Variants in INO80E observed in about 807,000 individuals in gnomAD.
The protein encoded by INO80E is INO80 complex subunit E, also known as coiled-coil domain containing 95.
Under a neutral mutation model 27.3 loss-of-function variants are expected in INO80E, and 20 were observed. The observed-to-expected ratio is 0.73, with a 90% CI of 0.51 to 1.06. The LOEUF (loss-of-function observed/expected upper bound fraction) is 1.06, where lower values mean the gene tolerates loss of function less well. Among genes scored for constraint, INO80E ranks in the 50% least tolerant of loss-of-function variants. The probability of loss-of-function intolerance (pLI) is 0.00; values close to 1 mark genes in which losing one functional copy is unlikely to be tolerated. For synonymous variants in INO80E, 167 were observed against 145.9 expected (o/e 1.14, Z -1.04); for missense variants, 357 against 322.8 (o/e 1.11, Z -0.81).
At chr16:30,001,796 C>T (rs902984748) in intron 6 of INO80E, 2 of 449,056 alleles carry the variant, frequency 4.5e-6, no homozygotes, top group East Asian at 3.8e-5. Context: ...GGGCCAGGCT[C>T]ATTTTCCCAG....
intron 1 of INO80E, 35 bp downstream of exon 1, chr16:29,996,426 G>A: frequency 1.3e-6 from 2 of 1,563,112 alleles, no homozygotes; most frequent in Non-Finnish European, 1.7e-6. Flanking sequence ...TGGGGGATGA[G>A]GCCTGGCGCG....
intron 3 of INO80E, among the ~76,000 whole-genome samples, chr16:29,997,610 C>T (rs961884139): frequency 1.3e-5 from 2 of 151,924 alleles, no homozygotes; most frequent in Admixed American, 6.6e-5. Flanking sequence ...AAAAATTAGT[C>T]GGGTGTGGTG....
chr16:30,005,282 C>G lies in INO80E; in HGVS notation c.575C>G (p.Ser192Cys). ...CCGCTGACCTTCCCTGGCCGGGGTT[C>G]TGGGGCTGGGGTCGGGACAACCCTG... is the stretch of plus-strand genomic sequence containing the variant. The part of the protein sequence containing the change: ...GGPLTFPGRG[S>C]GAGVGTTLTP... The change falls in exon 7 of 7, where the codon TCT (serine) becomes TGT (cysteine). Residue 192 changes from serine (S) to cysteine (C), a missense_variant. Ser to Cys is a moderately radical substitution (Grantham distance 112). Coordinates refer to ENST00000563197, the MANE Select transcript of INO80E (RefSeq NM_173618.3). The G allele has an allele frequency of 6.7e-7, 1 of 1,485,208 alleles. No homozygotes were observed. 92.0% of individuals were successfully genotyped at this position (1,485,208 alleles called of 1,614,324 possible). A position where few individuals can be genotyped will look rare whatever the true frequency, so the allele number is the denominator to read the frequency against.
At chr16:30,001,781 T>TGTATA in intron 6 of INO80E, 1 of 452,080 alleles carries the variant, frequency 2.2e-6, no homozygotes, top group Non-Finnish European at 4.0e-6. Flanking sequence ...GGCTGCAGTG[T>TGTATA]AGCGGGGCCA....
intron 1 of INO80E, 49 bp downstream of exon 1, chr16:29,996,440 A>G: frequency 1.3e-6 from 2 of 1,556,422 alleles, no homozygotes; most frequent in Non-Finnish European, 1.7e-6. Flanking sequence ...TGGCGCGGAC[A>G]AGATCTCAGT....
intron 3 of INO80E, among the ~76,000 whole-genome samples, chr16:30,000,487 C>T (rs931970117): frequency 6.6e-6 from 1 of 152,134 alleles, no homozygotes; most frequent in Admixed American, 6.5e-5. Flanking sequence ...CCTCAGCCTC[C>T]TGAGTAGCTG....
At chr16:29,997,470 TC>T (rs1297781911) in intron 3 of INO80E, among the ~76,000 whole-genome samples, 1 of 152,014 alleles carries the variant, frequency 6.6e-6, no homozygotes, top group African/African-American at 2.4e-5. Flanking sequence ...TAAAAGCCAT[TC>T]TTGGCCAGGT....
chr16:30,005,275 C>G lies in INO80E; in HGVS notation c.568C>G (p.Arg190Gly). 6.7e-7 allele frequency: 1 copy of G among 1,486,446 alleles called. No individual in the cohort carries two copies. The highest frequency in any genetic ancestry group is 8.9e-7 in the Non-Finnish European group (1 of 1,121,460). The allele number at this position is 1,486,446 out of a possible 1,614,324, so 92.1% of individuals were successfully genotyped here. ...GGGAGGGCCGCTGACCTTCCCTGGCCGGGGTTCTGGGGCTGGGGTCGGGAC... is the reference window on the plus strand; with the variant it reads ...GGGAGGGCCGCTGACCTTCCCTGGCGGGGGTTCTGGGGCTGGGGTCGGGAC... The part of the protein sequence containing the change: ...PVGGPLTFPG[R>G]GSGAGVGTTL... The change falls in exon 7 of 7, where the codon CGG becomes GGG. Residue 190 changes from arginine to glycine, a missense_variant. Physicochemically the swap from Arg to Gly is moderately radical, Grantham distance 125. Coordinates refer to ENST00000563197, the MANE Select transcript of INO80E (RefSeq NM_173618.3).
rs149641699 is a variant in INO80E at position 29,999,554 on chromosome 16, T to A, written c.206-1204T>A. 24 of 152,386 alleles carry A rather than the reference T, an allele frequency of 1.6e-4. 1 individual carries two copies. Among genetic ancestry groups the A allele is most frequent in the African/African-American group, 5.5e-4 (23 of 41,572 alleles). 9.4% of individuals were successfully genotyped at this position (152,386 alleles called of 1,614,324 possible). Reference sequence around the variant, plus strand: ...ACTTCACAGAGGAGGTGGCATTTAATCTGCTTCTTAAAGGGTCTGTCTGAG... The same window carrying A: ...ACTTCACAGAGGAGGTGGCATTTAAACTGCTTCTTAAAGGGTCTGTCTGAG... On this transcript the variant is annotated intron_variant, in intron 3 of 6. Transcript: ENST00000563197.
At chr16:30,004,759 T>C (rs2070487770) in intron 6 of INO80E, 1 of 156,676 alleles carries the variant, frequency 6.4e-6, no homozygotes, top group Middle Eastern at 6.4e-4. Context: ...GATAAGCCGC[T>C]GGGGCTCCTG....
chr16:29,996,804 TCA>T lies in INO80E; in HGVS notation c.153-3_153-2del, dbSNP rs764193575. ...ACTGTCCGTGTCTCCTTCCCTCCCCTCAGTTTCCTCCTAGACCGACTTCTGCA... is the reference window on the plus strand; with the variant it reads ...ACTGTCCGTGTCTCCTTCCCTCCCCTGTTTCCTCCTAGACCGACTTCTGCA... On this transcript the variant is annotated splice_acceptor_variant and splice_polypyrimidine_tract_variant and intron_variant, in intron 2 of 6. Transcript: ENST00000563197. LOFTEE classifies it high-confidence loss of function. 1.2e-6 allele frequency: 2 copies of T among 1,613,962 alleles called. No individual in the cohort carries two copies. Among genetic ancestry groups the T allele is most frequent in the Non-Finnish European group, 1.7e-6 (2 of 1,179,946 alleles).
Position 30,003,071 on chromosome 16 carries a change from G to A in INO80E, c.513+1541G>A, listed in dbSNP as rs990647241. 3.9e-5 allele frequency: 6 copies of A among 152,486 alleles called. No individual in the cohort carries two copies. The highest frequency in any genetic ancestry group is 7.3e-5 in the Non-Finnish European group (5 of 68,512). The allele number at this position is 152,486 out of a possible 1,614,324, so 9.4% of individuals were successfully genotyped here. On this transcript the variant is annotated intron_variant, in intron 6 of 6. Coordinates refer to ENST00000563197, the MANE Select transcript of INO80E (RefSeq NM_173618.3). This position sits in a 1 kb window ranked among gnomAD's most constrained non-coding sequence, Gnocchi z 4.4. ...GGTGGCGGGCAGGGTAGGGGGTGGCGCAGCACTGGGGGGCACTTTGAGGCT... is the reference window on the plus strand; with the variant it reads ...GGTGGCGGGCAGGGTAGGGGGTGGCACAGCACTGGGGGGCACTTTGAGGCT...
At position 30,005,308 on chromosome 16, in the gene INO80E, ACCCCCCTCCC is replaced by A; in HGVS notation, c.602_611del (p.Thr201AsnfsTer11). On this transcript the variant is annotated frameshift_variant, in exon 7 of 7. Transcript: ENST00000563197. LOFTEE classifies it high-confidence loss of function. ...TGGGGCTGGGGTCGGGACAACCCTGACCCCCCTCCCACCCCCTAAGATGCCCCCCCCCACG... is the reference window on the plus strand; with the variant it reads ...TGGGGCTGGGGTCGGGACAACCCTGAACCCCCTAAGATGCCCCCCCCCACG... The A allele has an allele frequency of 3.8e-6, 2 of 521,332 alleles. No individual in the cohort carries two copies. The highest frequency in any genetic ancestry group is 3.0e-6 in the Non-Finnish European group (1 of 335,732). 32.3% of individuals were successfully genotyped at this position (521,332 alleles called of 1,614,324 possible).
At position 30,005,413 on chromosome 16, in the gene INO80E, G is replaced by A. The variant is rs1173098156; in HGVS notation, c.706G>A (p.Asp236Asn). The A allele has an allele frequency of 1.2e-6, 2 of 1,604,264 alleles. No homozygotes were observed. The highest frequency in any genetic ancestry group is 1.3e-5 in the African/African-American group (1 of 74,488). Residue 236 changes from aspartate (D) to asparagine (N), a missense_variant, in exon 7 of 7, where the codon GAT becomes AAT. Coordinates refer to ENST00000563197, the MANE Select transcript of INO80E (RefSeq NM_173618.3). ...CGGGGACGATGCCTTGGATGGAGACGATGACCTGGTGATCGACATCCCGGA... is the reference window on the plus strand; with the variant it reads ...CGGGGACGATGCCTTGGATGGAGACAATGACCTGGTGATCGACATCCCGGA... ...GSGDDALDGD[D>N]DLVIDIPE
intron 6 of INO80E, 129 bp from the exon 7 acceptor site, chr16:30,005,092 A>G (rs1342622938): frequency 7.8e-6 from 8 of 1,024,456 alleles, no homozygotes; most frequent in Non-Finnish European, 1.1e-5. Flanking sequence ...TGAGTGCAGC[A>G]TGGGTTGGCC....
In INO80E at chr16:30,005,307, G is replaced by GCCCCCCCCCCC; in HGVS notation, c.600_601insCCCCCCCCCCC (p.Thr201ProfsTer18). 1 of 1,387,162 alleles carries GCCCCCCCCCCC rather than the reference G, an allele frequency of 7.2e-7. No homozygotes were observed. The highest frequency in any genetic ancestry group is 9.4e-7 in the Non-Finnish European group (1 of 1,068,432). The allele number at this position is 1,387,162 out of a possible 1,614,324, so 85.9% of individuals were successfully genotyped here. A position where few individuals can be genotyped will look rare whatever the true frequency, so the allele number is the denominator to read the frequency against. On this transcript the variant is annotated frameshift_variant, in exon 7 of 7. Transcript: ENST00000563197. LOFTEE classifies it high-confidence loss of function. ...CTGGGGCTGGGGTCGGGACAACCCT[G>GCCCCCCCCCCC]ACCCCCCTCCCACCCCCTAAGATGC...
chr16:29,999,591 G>A (rs1394686719), intron 3 of INO80E: 1 of 152,250 alleles, frequency 6.6e-6, no homozygotes, highest in Non-Finnish European at 1.5e-5. Flanking sequence ...AGAGACATTG[G>A]TAACGGCTTC....
At position 30,005,583 on chromosome 16, in the gene INO80E, AC is replaced by A; in HGVS notation, c.*142del. The A allele has an allele frequency of 1.2e-6, 1 of 821,852 alleles. No homozygotes were observed. The highest frequency in any genetic ancestry group is 2.0e-6 in the Non-Finnish European group (1 of 512,284). 50.9% of individuals were successfully genotyped at this position (821,852 alleles called of 1,614,324 possible). A position where few individuals can be genotyped will look rare whatever the true frequency, so the allele number is the denominator to read the frequency against. Reference sequence around the variant, plus strand: ...ACTGACACAACCAGAAAAGGCGTAAACATGCACGGGTGTCCCCCAGGAGGGT... The same window carrying A: ...ACTGACACAACCAGAAAAGGCGTAAAATGCACGGGTGTCCCCCAGGAGGGT... On this transcript the variant is annotated 3_prime_UTR_variant, in exon 7 of 7. Coordinates refer to ENST00000563197, the MANE Select transcript of INO80E (RefSeq NM_173618.3).
At chr16:30,001,273 C>A in intron 5 of INO80E, 141 bp from the exon 6 acceptor site, 1 of 1,490,396 alleles carries the variant, frequency 6.7e-7, no homozygotes, top group African/African-American at 1.4e-5. Flanking sequence ...TGCTGCCCGG[C>A]CCTTCTGTGC....
Sources: gnomAD v4.1 joint callset for allele counts (sites outside exome capture counted in the v4.1 genomes callset) on GRCh38, gnomAD v4.1.1 for gene constraint, Gnocchi (gnomAD v3.1) non-coding constraint, MANE v1.5 for transcripts, NCBI Gene and HGNC (gene_info 2026-07-23, HGNC 2026-07-21) for gene names.